RPS6KA2: variants seen among roughly 807,000 people sequenced by gnomAD.
RPS6KA2 encodes ribosomal protein S6 kinase A2.
Under a neutral mutation model 91.8 loss-of-function variants are expected in RPS6KA2, and 42 were observed. That is an observed-to-expected ratio of 0.46 (90% CI 0.36 to 0.59). RPS6KA2 has a LOEUF of 0.59. Among genes scored for constraint, RPS6KA2 ranks in the 20% least tolerant of loss-of-function variants. RPS6KA2 has a pLI of 0.00. For synonymous variants in RPS6KA2, 414 were observed against 393.6 expected (o/e 1.05, Z -0.61); for missense variants, 798 against 978.5 (o/e 0.82, Z 2.46).
intron 1 of RPS6KA2, among the ~76,000 whole-genome samples, chr6:166,592,538 A>G (rs1785387881): frequency 6.6e-6 from 1 of 152,100 alleles, no homozygotes; most frequent in African/African-American, 2.4e-5. Context: ...GTTGGTGACC[A>G]TTCTGCTGTA....
At chr6:166,846,107 AGAG>A (rs1178801520) in intron 2 of RPS6KA2, among the ~76,000 whole-genome samples, 4 of 152,208 alleles carry the variant, frequency 2.6e-5, no homozygotes, top group Non-Finnish European at 5.9e-5. Flanking sequence ...TAGAAAATCT[AGAG>A]GAGATGGATA....
intron 2 of RPS6KA2, among the ~76,000 whole-genome samples, chr6:166,672,560 A>G (rs2128561477): frequency 6.6e-6 from 1 of 152,324 alleles, no homozygotes; most frequent in African/African-American, 2.4e-5. Flanking sequence ...GATACCTTCA[A>G]TTCTTTTTCT....
chr6:166,447,126 C>T (rs1233538277), intron 14 of RPS6KA2, among the ~76,000 whole-genome samples: 4 of 152,152 alleles, frequency 2.6e-5, no homozygotes, highest in Non-Finnish European at 5.9e-5. Flanking sequence ...CAATCCAAAT[C>T]CTAGAAACGC....
At chr6:166,618,704 G>A (rs779282306) in intron 1 of RPS6KA2, among the ~76,000 whole-genome samples, 9 of 152,198 alleles carry the variant, frequency 5.9e-5, no homozygotes, top group South Asian at 2.1e-4. Flanking sequence ...TCCAAGCTTC[G>A]GGAGGGTAGG....
In RPS6KA2 at chr6:166,498,550, T is replaced by C. The variant is rs1264190901; in HGVS notation, c.705A>G (p.Gly235=). The C allele has an allele frequency of 1.2e-6, 2 of 1,613,516 alleles. No homozygotes were observed. The highest frequency in any genetic ancestry group is 8.5e-7 in the Non-Finnish European group (1 of 1,179,950). Residue 235 remains glycine (G), a synonymous_variant, in exon 8 of 21, where the codon GGA becomes GGG. Coordinates refer to ENST00000265678, the MANE Select transcript of RPS6KA2 (RefSeq NM_021135.6). ...YMAPEVVNRR[G]HTQSADWWSF... The stretch of plus-strand genomic sequence containing the variant: ...ACCACCAGTCGGCACTCTGCGTGTG[T>C]CCTCGCCGGTTCACCACCTCGGGCG...
At chr6:166,809,787 G>A (rs917355010) in intron 2 of RPS6KA2, among the ~76,000 whole-genome samples, 22 of 152,306 alleles carry the variant, frequency 1.4e-4, no homozygotes, top group South Asian at 8.3e-4. Flanking sequence ...TGTTTATTCA[G>A]ATTAAGAACA....
chr6:166,690,433 A>G (rs1484865207), intron 2 of RPS6KA2, among the ~76,000 whole-genome samples: 1 of 152,246 alleles, frequency 6.6e-6, no homozygotes, highest in South Asian at 2.1e-4. Context: ...TCAAGTGTCT[A>G]TCACAAGATC....
intron 10 of RPS6KA2, among the ~76,000 whole-genome samples, chr6:166,478,160 T>A (rs1029536871): frequency 6.6e-6 from 1 of 152,176 alleles, no homozygotes; most frequent in Non-Finnish European, 1.5e-5. Context: ...GCGGTTACCA[T>A]GCGTCACCTC....
intron 2 of RPS6KA2, among the ~76,000 whole-genome samples, chr6:166,831,607 T>G (rs146022955): frequency 3.1e-4 from 47 of 151,928 alleles, no homozygotes; most frequent in Non-Finnish European, 6.2e-4. Context: ...TGCTGTTCTA[T>G]TTCCATGCCG....
Position 166,669,573 on chromosome 6 carries a change from G to A in RPS6KA2, c.124-130789C>T, listed in dbSNP as rs149343378. 3.6e-3 allele frequency among the ~76,000 whole-genome samples: 549 copies of A among 152,272 alleles called. 2 individuals carry two copies. Among genetic ancestry groups the A allele is most frequent in the African/African-American group, 0.013 (528 of 41,554 alleles). ...CTGGAATTGCACGGGGCCCAGCACC[G>A]TTGGCTGCAAGACTGTCTAGTAGCC... On this transcript the variant is annotated intron_variant, in intron 2 of 21. Transcript: ENST00000503859.
chr6:166,648,236 A>G lies in RPS6KA2; in HGVS notation c.124-109452T>C, dbSNP rs962548569. Among the ~76,000 whole-genome samples, 5 of 148,992 alleles carry G rather than the reference A, an allele frequency of 3.4e-5. No homozygotes were observed. The highest frequency in any genetic ancestry group is 2.2e-4 in the South Asian group (1 of 4,582). ...CACACACACGCACATGCGCACACACACACATTCACACAGGCACACACACTC... is the reference window on the plus strand; with the variant it reads ...CACACACACGCACATGCGCACACACGCACATTCACACAGGCACACACACTC... On this transcript the variant is annotated intron_variant, in intron 2 of 21. Coordinates refer to the RPS6KA2 transcript ENST00000503859. This position sits in a 1 kb window ranked among gnomAD's most constrained non-coding sequence, Gnocchi z 4.8.
chr6:166,654,485 G>A (rs1582989775), intron 2 of RPS6KA2, among the ~76,000 whole-genome samples: 1 of 151,922 alleles, frequency 6.6e-6, no homozygotes, highest in Admixed American at 6.6e-5. Flanking sequence ...ACTGACACGA[G>A]CTCCTACACA....
intron 2 of RPS6KA2, among the ~76,000 whole-genome samples, chr6:166,663,117 C>G (rs1239391690): frequency 6.6e-6 from 1 of 150,404 alleles, no homozygotes; most frequent in African/African-American, 2.4e-5. Flanking sequence ...GTTAGGGGAG[C>G]CTGAGCAGAC....
At position 166,648,314 on chromosome 6, in the gene RPS6KA2, T is replaced by C. The variant is rs1562363564; in HGVS notation, c.124-109530A>G. Among the ~76,000 whole-genome samples, 1 of 151,918 alleles carries C rather than the reference T, an allele frequency of 6.6e-6. No homozygotes were observed. Among genetic ancestry groups the C allele is most frequent in the Non-Finnish European group, 1.5e-5 (1 of 67,954 alleles). On this transcript the variant is annotated intron_variant, in intron 2 of 21. Transcript: ENST00000503859. The surrounding 1 kb of genome is among the most constrained non-coding windows in gnomAD (Gnocchi z 4.8). ...ATGCACACACACGCATGTATACACA[T>C]GCACACACACATACATGCACACGCT...
chr6:166,625,315 T>G (rs1583339860), intron 1 of RPS6KA2, among the ~76,000 whole-genome samples: 1 of 97,674 alleles, frequency 1.0e-5, no homozygotes, highest in Non-Finnish European at 2.0e-5. Context: ...TCGTTTCCTA[T>G]TCCCACCACC....
chr6:166,540,138 G>A (rs1012608616), intron 1 of RPS6KA2, among the ~76,000 whole-genome samples: 6 of 152,186 alleles, frequency 3.9e-5, no homozygotes, highest in Non-Finnish European at 8.8e-5. Flanking sequence ...GACTGACTTC[G>A]AAGCCAAGTA....
intron 8 of RPS6KA2, among the ~76,000 whole-genome samples, chr6:166,491,420 C>T (rs1389526473): frequency 2.0e-5 from 3 of 152,174 alleles, no homozygotes; most frequent in African/African-American, 4.8e-5. Flanking sequence ...TGATTACACA[C>T]ACTCTGGAAG....
intron 1 of RPS6KA2, among the ~76,000 whole-genome samples, chr6:166,581,980 G>A (rs1785030079): frequency 1.4e-5 from 2 of 141,786 alleles, no homozygotes; most frequent in Admixed American, 1.4e-4. Context: ...CACTGGGCAG[G>A]TGGGCTGGGC....
At chr6:166,471,456 C>T (rs1780766544) in intron 10 of RPS6KA2, among the ~76,000 whole-genome samples, 1 of 152,236 alleles carries the variant, frequency 6.6e-6, no homozygotes, top group African/African-American at 2.4e-5. Flanking sequence ...TGGCCAGGGC[C>T]ATGGTGCTAG....
Sources: gnomAD v4.1 joint callset for allele counts (sites outside exome capture counted in the v4.1 genomes callset) on GRCh38, gnomAD v4.1.1 for gene constraint, Gnocchi (gnomAD v3.1) non-coding constraint, MANE v1.5 for transcripts, NCBI Gene and HGNC (gene_info 2026-07-23, HGNC 2026-07-21) for gene names.